The following GLRA1 variants were observed in gnomAD, a reference collection of about 807,000 sequenced individuals.
GLRA1 encodes the protein glycine receptor subunit alpha-1.
GLRA1 carries 37 observed loss-of-function variants against 48.3 expected under a neutral mutation model. The ratio of observed to expected loss-of-function variants is 0.77; its 90% CI spans 0.59 to 1.01. The LOEUF is 1.01. Among genes scored for constraint, GLRA1 ranks in the 50% least tolerant of loss-of-function variants. The pLI, the probability that GLRA1 is intolerant of heterozygous loss-of-function variation, is 0.00. For missense variants in GLRA1, 427 were observed against 571.0 expected (o/e 0.75, Z 2.57); for synonymous variants, 196 against 210.7 (o/e 0.93, Z 0.60).
intron 1 of GLRA1, among the ~76,000 whole-genome samples, chr5:151,908,191 A>C (rs770527253): frequency 4.6e-5 from 7 of 152,198 alleles, no homozygotes; most frequent in Non-Finnish European, 8.8e-5. Context: ...TACCAACATC[A>C]GCCATGGGTC....
At chr5:151,905,898 G>C (rs987679507) in intron 1 of GLRA1, among the ~76,000 whole-genome samples, 1 of 152,148 alleles carries the variant, frequency 6.6e-6, no homozygotes, top group Admixed American at 6.5e-5. Context: ...ACATTGCTTC[G>C]TGCTTTGCAT....
At chr5:151,870,479 G>A (rs1753447298) in intron 3 of GLRA1, among the ~76,000 whole-genome samples, 1 of 149,784 alleles carries the variant, frequency 6.7e-6, no homozygotes. Context: ...TCTGAGGCCT[G>A]GCATCAATCT....
chr5:151,881,492 ATTTTTTTT>A (rs3033233), intron 3 of GLRA1, among the ~76,000 whole-genome samples: 1 of 116,858 alleles, frequency 8.6e-6, no homozygotes, highest in Non-Finnish European at 1.7e-5. Flanking sequence ...ATGCCCTGCA[ATTTTTTTT>A]TTTTTTTTTT....
At position 151,871,858 on chromosome 5, in the gene GLRA1, C is replaced by T. The variant is rs1168722486; in HGVS notation, c.253-11850G>A. Among the ~76,000 whole-genome samples, 3 of 149,810 alleles carry T rather than the reference C, an allele frequency of 2.0e-5. 1 individual carries two copies. Among genetic ancestry groups the T allele is most frequent in the African/African-American group, 2.6e-5 (1 of 39,180 alleles). ...GGATTACAGGCGTGAACCACCGCGCCCGGCCGTGAGACGATTTTTATAGGC... is the reference window on the plus strand; with the variant it reads ...GGATTACAGGCGTGAACCACCGCGCTCGGCCGTGAGACGATTTTTATAGGC... On this transcript the variant is annotated intron_variant, in intron 3 of 8. Transcript: ENST00000274576.
chr5:151,884,969 A>G (rs751741004), intron 3 of GLRA1, among the ~76,000 whole-genome samples: 1 of 152,244 alleles, frequency 6.6e-6, no homozygotes, highest in Admixed American at 6.5e-5. Context: ...TTTGACCTGG[A>G]TATCCAGTGA....
intron 7 of GLRA1, chr5:151,850,392 C>A (rs1752868701): frequency 2.4e-6 from 3 of 1,270,098 alleles, no homozygotes; most frequent in African/African-American, 1.5e-5. Context: ...AACCTTTGAT[C>A]CCAAGCCCAT....
At chr5:151,900,381 G>A (rs930591167) in intron 1 of GLRA1, among the ~76,000 whole-genome samples, 4 of 152,224 alleles carry the variant, frequency 2.6e-5, no homozygotes, top group African/African-American at 7.2e-5. Context: ...CGATGAGGGG[G>A]TCTTTACCTC....
chr5:151,829,483 T>G (rs781172561), intron 7 of GLRA1, among the ~76,000 whole-genome samples: 1 of 152,202 alleles, frequency 6.6e-6, no homozygotes, highest in Non-Finnish European at 1.5e-5. Flanking sequence ...AAATTGTCAG[T>G]GCCAACTTTT....
intron 7 of GLRA1, among the ~76,000 whole-genome samples, chr5:151,837,134 A>T (rs2113307521): frequency 6.6e-6 from 1 of 152,380 alleles, no homozygotes; most frequent in East Asian, 1.9e-4. Flanking sequence ...AAACAACCCC[A>T]TCAAAAAGTG....
At chr5:151,876,501 T>C (rs1240962363) in intron 3 of GLRA1, among the ~76,000 whole-genome samples, 1 of 152,190 alleles carries the variant, frequency 6.6e-6, no homozygotes, top group African/African-American at 2.4e-5. Flanking sequence ...TTACAGAGAA[T>C]TATTATTAAC....
intron 1 of GLRA1, among the ~76,000 whole-genome samples, chr5:151,894,167 A>C (rs1754173276): frequency 6.6e-6 from 1 of 151,868 alleles, no homozygotes; most frequent in African/African-American, 2.4e-5. Context: ...GTGTGTGTGT[A>C]AGGTGGAACC....
At chr5:151,843,888 G>T (rs747316526) in intron 7 of GLRA1, among the ~76,000 whole-genome samples, 4 of 152,172 alleles carry the variant, frequency 2.6e-5, no homozygotes, top group Non-Finnish European at 5.9e-5. Flanking sequence ...AATGAAGTTG[G>T]GCTGGGCACG....
intron 6 of GLRA1, among the ~76,000 whole-genome samples, chr5:151,851,878 G>A (rs971661771): frequency 1.3e-5 from 2 of 152,108 alleles, no homozygotes; most frequent in African/African-American, 4.8e-5. Flanking sequence ...CATTGTAAAT[G>A]TTCAGAATTG....
chr5:151,847,906 C>T (rs1009142521), intron 7 of GLRA1, among the ~76,000 whole-genome samples: 1 of 152,072 alleles, frequency 6.6e-6, no homozygotes, highest in Non-Finnish European at 1.5e-5. Flanking sequence ...TTGTGTCTAG[C>T]ATAAGGGTGA....
chr5:151,839,152 T>G lies in GLRA1; in HGVS notation c.913-10085A>C, dbSNP rs1763649326. On this transcript the variant is annotated intron_variant, in intron 7 of 8. Coordinates refer to ENST00000274576, the MANE Select transcript of GLRA1 (RefSeq NM_000171.4). Reference sequence around the variant, plus strand: ...AAGACTGCCAATTTTTCTCAAGAATTCTGTATCCCTTAAAAATGAAAAATA... The same window carrying G: ...AAGACTGCCAATTTTTCTCAAGAATGCTGTATCCCTTAAAAATGAAAAATA... 6.6e-5 allele frequency among the ~76,000 whole-genome samples: 10 copies of G among 152,230 alleles called. No individual in the cohort carries two copies. In the South Asian group the frequency reaches 2.1e-3, roughly 31 times the overall value.
intron 1 of GLRA1, among the ~76,000 whole-genome samples, chr5:151,922,373 C>G (rs189962473): frequency 6.6e-6 from 1 of 152,346 alleles, no homozygotes; most frequent in East Asian, 1.9e-4. Context: ...AATCTGCTCA[C>G]TTTGCTTCCT....
chr5:151,877,422 T>C (rs1474745246), intron 3 of GLRA1, among the ~76,000 whole-genome samples: 1 of 152,160 alleles, frequency 6.6e-6, no homozygotes, highest in African/African-American at 2.4e-5. Flanking sequence ...TTAGCACATG[T>C]AAGACATTAA....
chr5:151,921,042 C>A (rs1041559517), intron 1 of GLRA1, among the ~76,000 whole-genome samples: 15 of 152,158 alleles, frequency 9.9e-5, no homozygotes, highest in African/African-American at 3.6e-4. Context: ...GTTTTGATGA[C>A]CTTTGTTAGC....
Position 151,822,797 on chromosome 5 carries a change from A to T in GLRA1, c.1226T>A (p.Ile409Asn). The T allele has an allele frequency of 1.9e-6, 3 of 1,614,080 alleles. No homozygotes were observed. The Admixed American group carries it at 5.0e-5, about 27-fold the overall frequency. ...KSPEEMRKLF[I>N]QRAKKIDKIS... Reference sequence around the variant, plus strand: ...TTTGTCGATCTTCTTGGCCCTCTGGATGAAGAGTTTTCGCATCTCCTCTGG... The same window carrying T: ...TTTGTCGATCTTCTTGGCCCTCTGGTTGAAGAGTTTTCGCATCTCCTCTGG... The change falls in exon 9 of 9, where the codon ATC becomes AAC. Residue 409 changes from isoleucine to asparagine, a missense_variant. Physicochemically the swap from Ile to Asn is moderately radical, Grantham distance 149. Coordinates refer to ENST00000274576, the MANE Select transcript of GLRA1 (RefSeq NM_000171.4).
Sources: allele counts gnomAD v4.1 joint callset (sites outside exome capture counted in the v4.1 genomes callset), GRCh38; gene constraint gnomAD v4.1.1; transcripts MANE v1.5; gene names NCBI Gene and HGNC (gene_info 2026-07-23, HGNC 2026-07-21).